BLOC1S3: variants seen among roughly 807,000 people sequenced by gnomAD.
The protein encoded by BLOC1S3 is biogenesis of lysosome-related organelles complex 1 subunit 3.
A neutral mutation model predicts 9.1 loss-of-function variants in BLOC1S3; 7 were observed. The ratio of observed to expected loss-of-function variants is 0.77; its 90% CI spans 0.44 to 1.45. The LOEUF is 1.45. Ranked by LOEUF, BLOC1S3 falls within the 40% of genes most tolerant of loss-of-function variation. BLOC1S3 has a pLI of 0.01. For synonymous variants in BLOC1S3, 145 were observed against 158.4 expected (o/e 0.92, Z 0.64); for missense variants, 307 against 315.2 (o/e 0.97, Z 0.20).
chr19:45,180,002 C>G lies in BLOC1S3; in HGVS notation c.*97C>G, dbSNP rs1969493609. ...TCCTGTGTCTCTTATCACCCCCCACCCCCGCTCCCATCTTGGTGTCACCCA... is the reference window on the plus strand; with the variant it reads ...TCCTGTGTCTCTTATCACCCCCCACGCCCGCTCCCATCTTGGTGTCACCCA... On this transcript the variant is annotated 3_prime_UTR_variant, in exon 2 of 2. Coordinates refer to ENST00000433642, the MANE Select transcript of BLOC1S3 (RefSeq NM_212550.5). 7.1e-7 allele frequency: 1 copy of G among 1,416,346 alleles called. No homozygotes were observed. Among genetic ancestry groups the G allele is most frequent in the Non-Finnish European group, 9.6e-7 (1 of 1,041,734 alleles). 87.7% of individuals were successfully genotyped at this position (1,416,346 alleles called of 1,614,324 possible).
intron 3 of BLOC1S3, among the ~76,000 whole-genome samples, chr19:45,214,611 T>C (rs1969814205): frequency 6.6e-6 from 1 of 151,654 alleles, no homozygotes; most frequent in South Asian, 2.1e-4. Context: ...ATTACAGGAG[T>C]GTGCCATCAC....
Position 45,179,124 on chromosome 19 carries a change from C to G in BLOC1S3, c.-9-164C>G, listed in dbSNP as rs1568469415. 2 of 703,612 alleles carry G rather than the reference C, an allele frequency of 2.8e-6. No individual in the cohort carries two copies. Among genetic ancestry groups the G allele is most frequent in the Non-Finnish European group, 4.3e-6 (2 of 469,610 alleles). The allele number at this position is 703,612 out of a possible 1,614,324, so 43.6% of individuals were successfully genotyped here. On this transcript the variant is annotated intron_variant, in intron 1 of 1. Coordinates refer to ENST00000433642, the MANE Select transcript of BLOC1S3 (RefSeq NM_212550.5). This position sits in a 1 kb window ranked among gnomAD's most constrained non-coding sequence, Gnocchi z 4.6. ...TGAAGAGCCTGGGGTCCAGTAACCC[C>G]CATCATCACCCAGTTTACAGAAGAG...
At chr19:45,186,044 C>T (rs997355666), downstream of BLOC1S3, among the ~76,000 whole-genome samples, 1 of 151,786 alleles carries the variant, frequency 6.6e-6, no homozygotes, top group East Asian at 2.0e-4. Flanking sequence ...ACCTGGGAGG[C>T]GAACATTGCA....
At chr19:45,193,890 C>T in intron 2 of BLOC1S3, among the ~76,000 whole-genome samples, 1 of 124,230 alleles carries the variant, frequency 8.0e-6, no homozygotes, top group Non-Finnish European at 1.6e-5. Context: ...GCAAGCTCCT[C>T]CTCCCAGGTT....
intron 2 of BLOC1S3, among the ~76,000 whole-genome samples, chr19:45,193,128 G>T (rs1599752111): frequency 2.3e-5 from 1 of 44,344 alleles, no homozygotes; most frequent in African/African-American, 8.0e-5. Flanking sequence ...GCAAAACTCC[G>T]TCTCAAAAAA....
chr19:45,179,065 T>C lies in BLOC1S3; in HGVS notation c.-9-223T>C, dbSNP rs556204314. ...CGGGAACTCGGGCCCCAGATCCTTGTTCGAGCTGGTCTTCAGTTTCCCCAT... is the reference window on the plus strand; with the variant it reads ...CGGGAACTCGGGCCCCAGATCCTTGCTCGAGCTGGTCTTCAGTTTCCCCAT... On this transcript the variant is annotated intron_variant, in intron 1 of 1. Coordinates refer to ENST00000433642, the MANE Select transcript of BLOC1S3 (RefSeq NM_212550.5). The surrounding 1 kb of genome is among the most constrained non-coding windows in gnomAD (Gnocchi z 4.6). Among the ~76,000 whole-genome samples, 1 of 152,310 alleles carries C rather than the reference T, an allele frequency of 6.6e-6. No homozygotes were observed. Among genetic ancestry groups the C allele is most frequent in the South Asian group, 2.1e-4 (1 of 4,830 alleles).
chr19:45,182,239 G>A (rs1013976395), downstream of BLOC1S3, among the ~76,000 whole-genome samples: 6 of 152,024 alleles, frequency 3.9e-5, no homozygotes, highest in African/African-American at 1.2e-4. Flanking sequence ...TTGGGAGGCC[G>A]AGGCACGTGC....
intron 3 of BLOC1S3, chr19:45,212,984 G>A: frequency 1.5e-6 from 2 of 1,361,752 alleles, no homozygotes; most frequent in Admixed American, 3.3e-5. Context: ...GTGGTCCCAG[G>A]CAGGGAGTCA....
chr19:45,212,589 TC>T (rs976427215), intron 3 of BLOC1S3: 9 of 144,414 alleles, frequency 6.2e-5, no homozygotes, highest in African/African-American at 2.4e-4. Context: ...GGCCTCTGTT[TC>T]CCCCTACCTT....
chr19:45,197,726 G>T (rs1277308032), intron 2 of BLOC1S3, among the ~76,000 whole-genome samples: 1 of 144,936 alleles, frequency 6.9e-6, no homozygotes, highest in African/African-American at 2.6e-5. Flanking sequence ...TCAGGAGGCT[G>T]AAACAGGAGA....
In BLOC1S3 at chr19:45,213,168, G is replaced by A. The variant is rs1356468379; in HGVS notation, n.283-3508G>A. ...GCCGGGAGAGGGGGAGGCGGCCCAGGAAGAGAGGGAGGCTGAGACAGAAAG... is the reference window on the plus strand; with the variant it reads ...GCCGGGAGAGGGGGAGGCGGCCCAGAAAGAGAGGGAGGCTGAGACAGAAAG... On this transcript the variant is annotated intron_variant and non_coding_transcript_variant, in intron 3 of 3. Transcript: ENST00000591569. 3 of 1,599,546 alleles carry A rather than the reference G, an allele frequency of 1.9e-6. No homozygotes were observed. In the Admixed American group the frequency reaches 5.3e-5, roughly 28 times the overall value.
intron 3 of BLOC1S3, among the ~76,000 whole-genome samples, chr19:45,210,487 T>C (rs1413628185): frequency 6.6e-6 from 1 of 151,656 alleles, no homozygotes; most frequent in Non-Finnish European, 1.5e-5. Context: ...TTAGTAGAGA[T>C]GTGGTTTCTC....
chr19:45,182,525 G>A (rs1033096102), downstream of BLOC1S3, among the ~76,000 whole-genome samples: 1 of 152,060 alleles, frequency 6.6e-6, no homozygotes, highest in Non-Finnish European at 1.5e-5. Context: ...TTAGCCAGGC[G>A]TGGTGGCACA....
At chr19:45,195,446 A>G (rs977630584) in intron 2 of BLOC1S3, among the ~76,000 whole-genome samples, 1 of 151,958 alleles carries the variant, frequency 6.6e-6, no homozygotes, top group African/African-American at 2.4e-5. Context: ...CACTCAAGTG[A>G]TCCGCCCACT....
intron 2 of BLOC1S3, among the ~76,000 whole-genome samples, chr19:45,190,545 G>A (rs1478709236): frequency 6.7e-6 from 1 of 148,838 alleles, no homozygotes; most frequent in Non-Finnish European, 1.5e-5. Context: ...GACCACAGGT[G>A]CACACTACCA....
chr19:45,205,288 C>T (rs1940548413), intron 3 of BLOC1S3, among the ~76,000 whole-genome samples: 1 of 152,052 alleles, frequency 6.6e-6, no homozygotes, highest in Admixed American at 6.6e-5. Context: ...GCCTCAGCCT[C>T]CCAAGTAGCT....
intron 3 of BLOC1S3, among the ~76,000 whole-genome samples, chr19:45,213,950 T>C (rs1335504756): frequency 2.0e-5 from 3 of 151,750 alleles, no homozygotes; most frequent in Admixed American, 6.6e-5. Context: ...CGAGACTCCA[T>C]TTCAAAAGTA....
At chr19:45,215,240 G>A (rs1969820592) in intron 3 of BLOC1S3, among the ~76,000 whole-genome samples, 1 of 152,146 alleles carries the variant, frequency 6.6e-6, no homozygotes, top group Non-Finnish European at 1.5e-5. Flanking sequence ...GGAAGCCGAG[G>A]CAGGCAGATC....
chr19:45,194,134 AT>A, intron 2 of BLOC1S3, among the ~76,000 whole-genome samples: 1 of 65,894 alleles, frequency 1.5e-5, no homozygotes, highest in Non-Finnish European at 2.7e-5. Flanking sequence ...TTTTAATGAG[AT>A]GGAGTCTCAC....
Sources: gnomAD v4.1 joint callset for allele counts (sites outside exome capture counted in the v4.1 genomes callset) on GRCh38, gnomAD v4.1.1 for gene constraint, Gnocchi (gnomAD v3.1) non-coding constraint, MANE v1.5 for transcripts, NCBI Gene and HGNC (gene_info 2026-07-23, HGNC 2026-07-21) for gene names.